Variants in AKT2 observed in about 807,000 individuals in gnomAD.
The protein encoded by AKT2 is AKT serine/threonine kinase 2.
In AKT2, 16 loss-of-function variants were observed where a neutral mutation model predicts 58.6. That is an observed-to-expected ratio of 0.27 (90% CI 0.18 to 0.41). The LOEUF (loss-of-function observed/expected upper bound fraction) is 0.41. Ranked by LOEUF, AKT2 falls within the 10% of genes least tolerant of loss-of-function variation. AKT2 has a pLI of 1.00. For synonymous variants in AKT2, 253 were observed against 254.0 expected (o/e 1.00, Z 0.04); for missense variants, 438 against 661.0 (o/e 0.66, Z 3.70).
At chr19:40,240,323 G>C in intron 6 of AKT2, 2 of 740,926 alleles carry the variant, frequency 2.7e-6, no homozygotes, top group Non-Finnish European at 5.0e-6. Flanking sequence ...CAGGTGAAAA[G>C]TCAGCAGGAA....
At chr19:40,265,121 C>G in intron 2 of AKT2, 101 bp downstream of exon 2, 1 of 1,532,690 alleles carries the variant, frequency 6.5e-7, no homozygotes, top group Non-Finnish European at 8.8e-7. Flanking sequence ...ATGCTGGCTC[C>G]TCAGGCTGGT....
intron 1 of AKT2, among the ~76,000 whole-genome samples, chr19:40,271,021 G>GACAA (rs144804672): frequency 0.017 from 2,517 of 147,904 alleles, 58 homozygotes; most frequent in African/African-American, 0.055. Context: ...TCAAAAAACA[G>GACAA]ACAAACAAAC....
In AKT2 at chr19:40,280,080, C is replaced by T. The variant is rs536192036; in HGVS notation, c.-85+5101G>A. Reference sequence around the variant, plus strand: ...TAATATCAACCACACCTGAGCCCAACCAGAGACCTGGGTGCTGGGCGCCAG... The same window carrying T: ...TAATATCAACCACACCTGAGCCCAATCAGAGACCTGGGTGCTGGGCGCCAG... On this transcript the variant is annotated intron_variant, in intron 1 of 13. Transcript: ENST00000392038. Among the ~76,000 whole-genome samples the T allele has an allele frequency of 5.9e-5, 9 of 152,364 alleles. No homozygotes were observed. In the East Asian group the frequency reaches 1.7e-3, roughly 29 times the overall value.
At chr19:40,277,605 G>A (rs2077350332) in intron 1 of AKT2, among the ~76,000 whole-genome samples, 1 of 152,100 alleles carries the variant, frequency 6.6e-6, no homozygotes, top group Non-Finnish European at 1.5e-5. Flanking sequence ...CAGCTACATG[G>A]GCCTGCTGTT....
intron 4 of AKT2, chr19:40,243,562 T>G (rs889688260): frequency 1.3e-5 from 2 of 151,976 alleles, no homozygotes; most frequent in Non-Finnish European, 2.9e-5. Flanking sequence ...GGACAAGAAG[T>G]AGGTCCCAGC....
At position 40,236,802 on chromosome 19, in the gene AKT2, T is replaced by C. The variant is rs563159597; in HGVS notation, c.832-417A>G. ...AATTTGGGGGACTTAGGTGGCAGGATTGCTTGAACCCATGAGTTTGAGACC... is the reference window on the plus strand; with the variant it reads ...AATTTGGGGGACTTAGGTGGCAGGACTGCTTGAACCCATGAGTTTGAGACC... On this transcript the variant is annotated intron_variant, in intron 9 of 13. Transcript: ENST00000392038. 51 of 292,500 alleles carry C rather than the reference T, an allele frequency of 1.7e-4. No homozygotes were observed. In the East Asian group the frequency reaches 4.4e-3, roughly 25 times the overall value. 18.1% of individuals were successfully genotyped at this position (292,500 alleles called of 1,614,324 possible). A position where few individuals can be genotyped will look rare whatever the true frequency, so the allele number is the denominator to read the frequency against.
chr19:40,264,423 G>A (rs537146673), intron 2 of AKT2, among the ~76,000 whole-genome samples: 4 of 152,260 alleles, frequency 2.6e-5, no homozygotes, highest in African/African-American at 9.6e-5. Flanking sequence ...ATCGGCTCAC[G>A]ACATCACAGG....
intron 1 of AKT2, chr19:40,269,100 C>T (rs560264895): frequency 9.1e-4 from 138 of 152,074 alleles, no homozygotes; most frequent in Non-Finnish European, 1.4e-3. Context: ...GCAACAAGAG[C>T]GAAACTACAT....
Position 40,235,200 on chromosome 19 carries a change from C to A in AKT2, c.1264-53G>T. 6.2e-7 allele frequency: 1 copy of A among 1,613,226 alleles called. No individual in the cohort carries two copies. On this transcript the variant is annotated intron_variant, in intron 12 of 13. Coordinates refer to ENST00000392038, the MANE Select transcript of AKT2 (RefSeq NM_001626.6). This position sits in a 1 kb window ranked among gnomAD's most constrained non-coding sequence, Gnocchi z 6.3. ...GGACCCTGAGGCCAGGAGGCCTCAACCAAGGTCACCACGAGTGGGCCAGGT... is the reference window on the plus strand; with the variant it reads ...GGACCCTGAGGCCAGGAGGCCTCAAACAAGGTCACCACGAGTGGGCCAGGT...
chr19:40,254,158 ATCTCT>A (rs1273019937), intron 4 of AKT2, among the ~76,000 whole-genome samples: 5 of 142,092 alleles, frequency 3.5e-5, no homozygotes, highest in Admixed American at 2.3e-4. Context: ...AGTCTTTATC[ATCTCT>A]TCTGATTACT....
rs1973748209 is a variant in AKT2, at chr19:40,232,432, A to G, written c.*1440T>C. On this transcript the variant is annotated 3_prime_UTR_variant, in exon 14 of 14. Coordinates refer to ENST00000392038, the MANE Select transcript of AKT2 (RefSeq NM_001626.6). The stretch of plus-strand genomic sequence containing the variant: ...ACTGTCAGATAACAACATCGCACAC[A>G]GAGGAAAAAGACCCTCACCCACCCG... 1 of 233,868 alleles carries G rather than the reference A, an allele frequency of 4.3e-6. No homozygotes were observed. The highest frequency in any genetic ancestry group is 5.6e-5 in the Admixed American group (1 of 17,798). The allele number at this position is 233,868 out of a possible 1,614,324, so 14.5% of individuals were successfully genotyped here.
intron 4 of AKT2, chr19:40,243,869 C>G (rs1314811538): frequency 6.6e-6 from 1 of 151,656 alleles, no homozygotes; most frequent in Non-Finnish European, 1.5e-5. Flanking sequence ...ATAGTAAAAC[C>G]CAGTCTCTAC....
At chr19:40,273,429 T>G (rs2077252779) in intron 1 of AKT2, 1 of 151,024 alleles carries the variant, frequency 6.6e-6, no homozygotes, top group South Asian at 2.1e-4. Flanking sequence ...AACAGGTGAA[T>G]TTTTACCTAT....
Position 40,233,684 on chromosome 19 carries a change from T to C in AKT2, c.*188A>G, listed in dbSNP as rs1300271878. The C allele has an allele frequency of 1.4e-6, 1 of 720,988 alleles. No homozygotes were observed. The highest frequency in any genetic ancestry group is 1.4e-5 in the South Asian group (1 of 72,040). The allele number at this position is 720,988 out of a possible 1,614,324, so 44.7% of individuals were successfully genotyped here. ...GCGAGTCTGGGCACAAAGGTGAGGC[T>C]GGAGGCTGGAGGCAGGGGCTGCAGG... On this transcript the variant is annotated 3_prime_UTR_variant, in exon 14 of 14. Coordinates refer to ENST00000392038, the MANE Select transcript of AKT2 (RefSeq NM_001626.6). This position sits in a 1 kb window ranked among gnomAD's most constrained non-coding sequence, Gnocchi z 4.3.
chr19:40,241,855 CG>C (rs1974426654), intron 6 of AKT2, 82 bp downstream of exon 6: 1 of 1,592,602 alleles, frequency 6.3e-7, no homozygotes, highest in Admixed American at 1.7e-5. Flanking sequence ...GCAGAAAGCG[CG>C]GGTAAGCGTC....
At chr19:40,239,037 G>A (rs1184720343) in intron 7 of AKT2, 64 bp from the exon 8 acceptor site, 19 of 1,558,998 alleles carry the variant, frequency 1.2e-5, no homozygotes, top group Non-Finnish European at 1.6e-5. Context: ...GCCATGCCAG[G>A]GCAGGGCCCT....
chr19:40,235,025 C>T lies in AKT2; in HGVS notation c.1366+20G>A, dbSNP rs375549081. ...CACCCCTGGGGCAGGCACACCAGCG[C>T]GGGGGCCCCAGGCACTCACAGCGGT... On this transcript the variant is annotated intron_variant, in intron 13 of 13. Transcript: ENST00000392038. The surrounding 1 kb of genome is among the most constrained non-coding windows in gnomAD (Gnocchi z 6.3). 664 of 1,608,734 alleles carry T rather than the reference C, an allele frequency of 4.1e-4. No homozygotes were observed. The highest frequency in any genetic ancestry group is 8.3e-4 in the Middle Eastern group (5 of 6,054).
At chr19:40,241,311 C>G (rs1377965202) in intron 6 of AKT2, 1 of 161,560 alleles carries the variant, frequency 6.2e-6, no homozygotes, top group African/African-American at 2.4e-5. Flanking sequence ...GGCAGCACCA[C>G]ATGATTATAT....
rs963588141 is a variant in AKT2 at position 40,234,046 on chromosome 19, G to T, written c.1367-95C>A. The T allele has an allele frequency of 4.7e-5, 60 of 1,285,552 alleles. No individual in the cohort carries two copies. In the Admixed American group the frequency reaches 6.3e-4, roughly 13 times the overall value. 79.6% of individuals were successfully genotyped at this position (1,285,552 alleles called of 1,614,324 possible). ...GGGGAAACGGCCCCAGCTGGCGGGGGCTGCCCACAGGACAGGACAGGAAAG... is the reference window on the plus strand; with the variant it reads ...GGGGAAACGGCCCCAGCTGGCGGGGTCTGCCCACAGGACAGGACAGGAAAG... On this transcript the variant is annotated intron_variant, in intron 13 of 13. Transcript: ENST00000392038. The surrounding 1 kb of genome is among the most constrained non-coding windows in gnomAD (Gnocchi z 4.7).
Sources: gnomAD v4.1 joint callset for allele counts (sites outside exome capture counted in the v4.1 genomes callset) on GRCh38, gnomAD v4.1.1 for gene constraint, Gnocchi (gnomAD v3.1) non-coding constraint, MANE v1.5 for transcripts, NCBI Gene and HGNC (gene_info 2026-07-23, HGNC 2026-07-21) for gene names.